Variants in TMF1 observed in about 807,000 individuals in gnomAD.
TMF1 encodes TATA element modulatory factor.
Under a neutral mutation model 126.5 loss-of-function variants are expected in TMF1, and 71 were observed. The ratio of observed to expected loss-of-function variants is 0.56; its 90% CI spans 0.46 to 0.68. TMF1 has a LOEUF of 0.68. Among genes scored for constraint, TMF1 ranks in the 30% least tolerant of loss-of-function variants. The pLI is 0.00. For missense variants in TMF1, 1,259 were observed against 1,253.2 expected (o/e 1.00, Z -0.07); for synonymous variants, 461 against 430.5 (o/e 1.07, Z -0.88).
chr3:69,043,706 T>C (rs1179893802), intron 4 of TMF1, 44 bp downstream of exon 4: 3 of 1,507,524 alleles, frequency 2.0e-6, no homozygotes, highest in Admixed American at 2.0e-5. Context: ...CAAAAATCTA[T>C]ATCTCTATAG....
intron 5 of TMF1, among the ~76,000 whole-genome samples, chr3:69,041,577 C>G (rs1343909342): frequency 2.0e-5 from 3 of 151,828 alleles, no homozygotes; most frequent in Non-Finnish European, 4.4e-5. Flanking sequence ...AATAAATGTA[C>G]AACACTAGAA....
rs748692992 is a variant in TMF1 at position 69,033,408 on chromosome 3, AAG to A, written c.2401+138_2401+139del. The A allele has an allele frequency of 4.5e-5, 45 of 1,005,384 alleles. 1 individual carries two copies. Among genetic ancestry groups the A allele is most frequent in the Admixed American group, 6.8e-5 (2 of 29,490 alleles). 62.3% of individuals were successfully genotyped at this position (1,005,384 alleles called of 1,614,324 possible). Reference sequence around the variant, plus strand: ...AAGGTATTAAAAATACATGTAGAAAAAGAGAAAATGTAAAAATCTACATATTA... The same window carrying A: ...AAGGTATTAAAAATACATGTAGAAAAAGAAAATGTAAAAATCTACATATTA... On this transcript the variant is annotated intron_variant, in intron 10 of 16. Transcript: ENST00000398559.
At chr3:69,048,617 T>A (rs764658306) in intron 1 of TMF1, 55 bp from the exon 2 acceptor site, 39 of 1,390,656 alleles carry the variant, frequency 2.8e-5, no homozygotes, top group Non-Finnish European at 3.7e-5. Flanking sequence ...CATTAATATT[T>A]CAATCATCAT....
At chr3:69,043,687 T>C (rs2091879814) in intron 4 of TMF1, 63 bp downstream of exon 4, 3 of 1,358,030 alleles carry the variant, frequency 2.2e-6, no homozygotes, top group African/African-American at 2.9e-5. Flanking sequence ...ATACGATGAA[T>C]GCACTCCTCA....
chr3:69,034,466 C>G (rs1482325803), intron 9 of TMF1, among the ~76,000 whole-genome samples: 1 of 152,106 alleles, frequency 6.6e-6, no homozygotes, highest in Non-Finnish European at 1.5e-5. Flanking sequence ...GAGCAAGACT[C>G]TGTCTCAAAA....
chr3:69,031,172 T>C (rs1477494550), intron 10 of TMF1, among the ~76,000 whole-genome samples: 1 of 152,212 alleles, frequency 6.6e-6, no homozygotes, highest in East Asian at 1.9e-4. Flanking sequence ...ATTTTATTTA[T>C]GTAACATTTT....
At chr3:69,039,413 T>TCATTTATCTA in intron 6 of TMF1, 138 bp downstream of exon 6, 1 of 1,004,998 alleles carries the variant, frequency 1.0e-6, no homozygotes, top group Non-Finnish European at 1.4e-6. Flanking sequence ...AAAAATCTTA[T>TCATTTATCTA]CATTTATCTA....
rs1311099704 is a variant in TMF1 at position 69,024,129 on chromosome 3, C to T, written c.3064G>A (p.Val1022Ile). The T allele has an allele frequency of 1.9e-6, 3 of 1,610,508 alleles. No homozygotes were observed. The highest frequency in any genetic ancestry group is 2.2e-5 in the South Asian group (2 of 90,274). The change falls in exon 16 of 17, where the codon GTT becomes ATT. Residue 1022 changes from valine (V) to isoleucine (I), a missense_variant. Transcript: ENST00000398559. Reference protein sequence around the residue: ...KTRSIMAEELVKLTNQNDELE... With the variant: ...KTRSIMAEELIKLTNQNDELE... ...TCATCATTTTGATTTGTTAATTTAA[C>T]TAGTTCTTCAGCCATTATTGATCGA...
chr3:69,041,264 T>G (rs887625490), intron 5 of TMF1, among the ~76,000 whole-genome samples: 9 of 152,206 alleles, frequency 5.9e-5, no homozygotes, highest in Admixed American at 4.6e-4. Flanking sequence ...CATTTTTCTA[T>G]TTTAGTGCTT....
intron 8 of TMF1, among the ~76,000 whole-genome samples, chr3:69,035,642 T>C (rs1168844129): frequency 6.6e-6 from 1 of 152,136 alleles, no homozygotes; most frequent in African/African-American, 2.4e-5. Flanking sequence ...CCTACAGTAT[T>C]AAATAGGCTA....
At chr3:69,026,387 G>T (rs1478195967) in intron 13 of TMF1, among the ~76,000 whole-genome samples, 1 of 152,114 alleles carries the variant, frequency 6.6e-6, no homozygotes, top group Non-Finnish European at 1.5e-5. Context: ...ACCTGAGGTT[G>T]GGAGATCAAG....
At chr3:69,035,900 T>C (rs535526162) in intron 8 of TMF1, among the ~76,000 whole-genome samples, 8 of 152,246 alleles carry the variant, frequency 5.3e-5, no homozygotes, top group Non-Finnish European at 1.0e-4. Context: ...GAAAAAGTGA[T>C]GGATTTATGC....
intron 13 of TMF1, among the ~76,000 whole-genome samples, chr3:69,026,908 A>C (rs2091770734): frequency 6.6e-6 from 1 of 152,214 alleles, no homozygotes; most frequent in Non-Finnish European, 1.5e-5. Context: ...AGGTAATTTA[A>C]ATTTACCTAT....
At chr3:69,051,803 G>C in intron 1 of TMF1, 142 bp downstream of exon 1, 1 of 984,502 alleles carries the variant, frequency 1.0e-6, no homozygotes, top group Non-Finnish European at 1.5e-6. Context: ...GGCTGAAGCA[G>C]CATTAGGGAA....
chr3:69,044,480 C>G lies in TMF1; in HGVS notation c.1451+12G>C, dbSNP rs1289981061. Reference sequence around the variant, plus strand: ...AAATGTGTAACATTATTCACATTTGCAGAATACTTACTCTTTCAGGTTATC... The same window carrying G: ...AAATGTGTAACATTATTCACATTTGGAGAATACTTACTCTTTCAGGTTATC... On this transcript the variant is annotated intron_variant, in intron 3 of 16. Coordinates refer to ENST00000398559, the MANE Select transcript of TMF1 (RefSeq NM_007114.3). 1.4e-6 allele frequency: 2 copies of G among 1,427,608 alleles called. No homozygotes were observed. The highest frequency in any genetic ancestry group is 2.3e-5 in the East Asian group (1 of 43,814). 88.4% of individuals were successfully genotyped at this position (1,427,608 alleles called of 1,614,324 possible).
intron 6 of TMF1, 47 bp downstream of exon 6, chr3:69,039,504 A>G (rs2107464384): frequency 6.3e-7 from 1 of 1,575,148 alleles, no homozygotes; most frequent in Non-Finnish European, 8.6e-7. Flanking sequence ...CTGTTCATAC[A>G]GGAAGTAATA....
At chr3:69,030,054 G>C (rs2091791154) in intron 10 of TMF1, 47 bp from the exon 11 acceptor site, 2 of 1,507,582 alleles carry the variant, frequency 1.3e-6, no homozygotes, top group African/African-American at 1.4e-5. Context: ...ACAGCCCAGA[G>C]ACCAAAATAC....
At chr3:69,032,192 C>T (rs963542123) in intron 10 of TMF1, among the ~76,000 whole-genome samples, 4 of 152,156 alleles carry the variant, frequency 2.6e-5, no homozygotes, top group Admixed American at 6.5e-5. Context: ...GCTTCCCTCT[C>T]ACCATGACAG....
intron 3 of TMF1, 129 bp downstream of exon 3, chr3:69,044,363 A>C (rs2091883776): frequency 1.9e-5 from 10 of 537,354 alleles, no homozygotes; most frequent in Non-Finnish European, 6.4e-6. Context: ...GTTATAATTG[A>C]AAGCTATACA....
Sources: allele counts gnomAD v4.1 joint callset (sites outside exome capture counted in the v4.1 genomes callset), GRCh38; gene constraint gnomAD v4.1.1; transcripts MANE v1.5; gene names NCBI Gene and HGNC (gene_info 2026-07-23, HGNC 2026-07-21).